Variants in ASNS observed in about 807,000 individuals in gnomAD.
ASNS encodes asparagine synthetase (glutamine-hydrolyzing), also known as asparagine synthetase [glutamine-hydrolyzing].
A neutral mutation model predicts 62.6 loss-of-function variants in ASNS; 37 were observed. The ratio of observed to expected loss-of-function variants is 0.59; its 90% CI spans 0.45 to 0.78. The LOEUF is 0.78. Among genes scored for constraint, ASNS ranks in the 30% least tolerant of loss-of-function variants. The pLI is 0.00. For missense variants in ASNS, 520 were observed against 682.4 expected (o/e 0.76, Z 2.65); for synonymous variants, 207 against 237.9 (o/e 0.87, Z 1.19).
intron 4 of ASNS, 149 bp from the exon 5 acceptor site, chr7:97,859,547 A>G (rs1584465303): frequency 2.4e-6 from 2 of 821,460 alleles, no homozygotes; most frequent in South Asian, 3.4e-5. Flanking sequence ...AAAATTTTCT[A>G]TTTTCCTAAG....
At chr7:97,865,620 C>G (rs968863395) in intron 3 of ASNS, among the ~76,000 whole-genome samples, 2 of 152,206 alleles carry the variant, frequency 1.3e-5, no homozygotes, top group Non-Finnish European at 2.9e-5. Context: ...AGTCCAGTTT[C>G]TCCTACAGCT....
At chr7:97,886,303 A>G in the ASNS span, among the ~76,000 whole-genome samples, 1 of 152,052 alleles carries the variant, frequency 6.6e-6, no homozygotes, top group African/African-American at 2.4e-5. Flanking sequence ...CGTGTGCACC[A>G]TGCCCGGCTA....
upstream of ASNS, among the ~76,000 whole-genome samples, chr7:97,877,315 G>A (rs1159559023): frequency 2.0e-5 from 3 of 151,958 alleles, no homozygotes; most frequent in African/African-American, 2.4e-5. Flanking sequence ...GGATGGTCTC[G>A]ATCTCCTGAT....
the ASNS span, among the ~76,000 whole-genome samples, chr7:97,914,635 CA>C: frequency 1.3e-5 from 2 of 152,266 alleles, no homozygotes; most frequent in East Asian, 3.9e-4. Context: ...CAGTTCACCC[CA>C]AAAGGCTCAC....
chr7:97,874,571 C>T (rs964450784), upstream of ASNS, among the ~76,000 whole-genome samples: 28 of 152,296 alleles, frequency 1.8e-4, no homozygotes, highest in Middle Eastern at 0.01. Context: ...TAAGAAATTA[C>T]AAAAGTATTA....
Position 97,859,067 on chromosome 7 carries a change from G to A in ASNS, c.674-112C>T, listed in dbSNP as rs1334726697. The A allele has an allele frequency of 5.1e-6, 7 of 1,368,778 alleles. No homozygotes were observed. In the African/African-American group the frequency reaches 8.7e-5, roughly 17 times the overall value. 84.8% of individuals were successfully genotyped at this position (1,368,778 alleles called of 1,614,324 possible). A position where few individuals can be genotyped will look rare whatever the true frequency, so the allele number is the denominator to read the frequency against. On this transcript the variant is annotated intron_variant, in intron 5 of 12. Transcript: ENST00000394308. ...ATCATGATGGTATTTACTCAATGGT[G>A]GAGTGTGCCAAATCTTAATGTGTTC...
At chr7:97,895,988 GAA>G in the ASNS span, among the ~76,000 whole-genome samples, 9 of 135,942 alleles carry the variant, frequency 6.6e-5, no homozygotes, top group African/African-American at 2.1e-4. Context: ...CAAGGATGAG[GAA>G]AAAAAAAAAA....
At chr7:97,859,046 T>C (rs1221179169) in intron 5 of ASNS, 91 bp from the exon 6 acceptor site, 1 of 1,397,400 alleles carries the variant, frequency 7.2e-7, no homozygotes, top group Non-Finnish European at 9.9e-7. Flanking sequence ...ACATCTATCA[T>C]GATGGTATTT....
the ASNS span, among the ~76,000 whole-genome samples, chr7:97,882,704 G>T: frequency 6.6e-6 from 1 of 152,082 alleles, no homozygotes; most frequent in East Asian, 1.9e-4. Flanking sequence ...CGCCAAGCAG[G>T]GGGAGTGATG....
rs1316256354 is a variant in ASNS, at chr7:97,869,032, T to G, written c.125A>C (p.Asn42Thr). The G allele has an allele frequency of 6.2e-7, 1 of 1,614,226 alleles. No individual in the cohort carries two copies. The highest frequency in any genetic ancestry group is 8.5e-7 in the Non-Finnish European group (1 of 1,180,040). The stretch of plus-strand genomic sequence containing the variant: ...CAACCGGTGAAATCCAAAGCAGCAG[T>G]TGGTGTATCCATTGACATTCTCAAA... ...FRFENVNGYT[N>T]CCFGFHRLAV... The change falls in exon 3 of 13, where the codon AAC becomes ACC. Residue 42 changes from asparagine (N) to threonine (T), a missense_variant. Coordinates refer to ENST00000394308, the MANE Select transcript of ASNS (RefSeq NM_001673.5).
chr7:97,913,443 AT>A, the ASNS span, among the ~76,000 whole-genome samples: 1 of 152,186 alleles, frequency 6.6e-6, no homozygotes, highest in Non-Finnish European at 1.5e-5. Context: ...GTATGTCACT[AT>A]TGGTTAAAAC....
chr7:97,927,465 T>C, the ASNS span, among the ~76,000 whole-genome samples: 1 of 152,224 alleles, frequency 6.6e-6, no homozygotes, highest in African/African-American at 2.4e-5. Flanking sequence ...GCTTGTGCCA[T>C]GTCAGCCAGC....
At chr7:97,875,739 T>C (rs1267549313), upstream of ASNS, among the ~76,000 whole-genome samples, 18 of 152,216 alleles carry the variant, frequency 1.2e-4, no homozygotes, top group Admixed American at 1.2e-3. Context: ...GCCACATTGA[T>C]TTTCCCTAGA....
At chr7:97,884,375 C>T in the ASNS span, among the ~76,000 whole-genome samples, 1 of 152,102 alleles carries the variant, frequency 6.6e-6, no homozygotes, top group African/African-American at 2.4e-5. Context: ...ATGGTGGAAC[C>T]CCATCTCTAC....
At chr7:97,866,142 C>G (rs752004115) in intron 3 of ASNS, among the ~76,000 whole-genome samples, 1 of 152,158 alleles carries the variant, frequency 6.6e-6, no homozygotes, top group South Asian at 2.1e-4. Context: ...CAACTATAAA[C>G]TTTTGATTTG....
chr7:97,873,428 A>C (rs1162436633), upstream of ASNS, among the ~76,000 whole-genome samples: 1 of 152,206 alleles, frequency 6.6e-6, no homozygotes, highest in Admixed American at 6.5e-5. Flanking sequence ...AAAAACGTCA[A>C]CAATTTAAAA....
chr7:97,867,279 G>T (rs1792026049), intron 3 of ASNS, among the ~76,000 whole-genome samples: 1 of 131,366 alleles, frequency 7.6e-6, no homozygotes, highest in Admixed American at 7.4e-5. Flanking sequence ...TATTGTAGTG[G>T]TAAACTTTAT....
chr7:97,852,056 T>A lies in ASNS; in HGVS notation c.*203A>T. The A allele has an allele frequency of 6.6e-6, 4 of 601,618 alleles. No individual in the cohort carries two copies. In the South Asian group the frequency reaches 8.5e-5, roughly 13 times the overall value. 37.3% of individuals were successfully genotyped at this position (601,618 alleles called of 1,614,324 possible). A position where few individuals can be genotyped will look rare whatever the true frequency, so the allele number is the denominator to read the frequency against. On this transcript the variant is annotated 3_prime_UTR_variant, in exon 13 of 13. Transcript: ENST00000394308. ...TTTCCTAGCTTACCCTCCACTTTAC[T>A]GTGATACAGCAAAACAGTTCTAGTT...
At chr7:97,861,373 G>T (rs1791711986) in intron 4 of ASNS, among the ~76,000 whole-genome samples, 1 of 152,156 alleles carries the variant, frequency 6.6e-6, no homozygotes. Flanking sequence ...TCAACTCCAA[G>T]TTTTGCATAT....
Sources: gnomAD v4.1 joint callset for allele counts (sites outside exome capture counted in the v4.1 genomes callset) on GRCh38, gnomAD v4.1.1 for gene constraint, MANE v1.5 for transcripts, NCBI Gene and HGNC (gene_info 2026-07-23, HGNC 2026-07-21) for gene names.